Variants in MAP2 observed in about 807,000 individuals in gnomAD.
The protein encoded by MAP2 is microtubule-associated protein 2.
A neutral mutation model predicts 137.6 loss-of-function variants in MAP2; 14 were observed. That is an observed-to-expected ratio of 0.10 (90% CI 0.07 to 0.16). The LOEUF (loss-of-function observed/expected upper bound fraction) is 0.16. Among genes scored for constraint, MAP2 ranks in the 10% least tolerant of loss-of-function variants. MAP2 has a pLI of 1.00. For missense variants in MAP2, 2,088 were observed against 2,191.5 expected (o/e 0.95, Z 0.94); for synonymous variants, 786 against 782.3 (o/e 1.00, Z -0.08).
chr2:209,595,847 T>C (rs1046137305), intron 3 of MAP2, among the ~76,000 whole-genome samples: 1 of 152,008 alleles, frequency 6.6e-6, no homozygotes, highest in Non-Finnish European at 1.5e-5. Context: ...GAGCAAACTA[T>C]CACAAAGACA....
At chr2:209,660,895 C>T (rs1259572550) in intron 5 of MAP2, among the ~76,000 whole-genome samples, 17 of 148,880 alleles carry the variant, frequency 1.1e-4, no homozygotes, top group Non-Finnish European at 1.5e-4. Context: ...CCACCACGCC[C>T]GGCTAATTTT....
chr2:209,487,864 T>C (rs1040273435), intron 1 of MAP2, among the ~76,000 whole-genome samples: 8 of 152,102 alleles, frequency 5.3e-5, no homozygotes, highest in African/African-American at 1.7e-4. Flanking sequence ...ATACCTAACA[T>C]AGATAAAATA....
chr2:209,695,945 G>A lies in MAP2; in HGVS notation c.3775G>A (p.Asp1259Asn). The A allele has an allele frequency of 6.2e-7, 1 of 1,614,046 alleles. No individual in the cohort carries two copies. Among genetic ancestry groups the A allele is most frequent in the Non-Finnish European group, 8.5e-7 (1 of 1,179,944 alleles). Residue 1259 changes from aspartate (D) to asparagine (N), a missense_variant, in exon 8 of 16, where the codon GAC (aspartate) becomes AAC (asparagine). By Grantham distance (23) the Asp-to-Asn change is conservative. Coordinates refer to ENST00000682079, the MANE Select transcript of MAP2 (RefSeq NM_001375505.1). ...LFRSDTLQIT[D>N]LGVSGAREEF... is the part of the protein sequence containing the mutation. ...CCGCTCAGACACCCTTCAGATAACT[G>A]ACCTGGGTGTCTCAGGTGCCAGGGA... is the stretch of plus-strand genomic sequence containing the variant.
In MAP2 at chr2:209,570,389, T is replaced by C. The variant is rs149521235; in HGVS notation, c.-171-9647T>C. On this transcript the variant is annotated intron_variant, in intron 2 of 15. Transcript: ENST00000682079. ...CTACCACTTACCAGCTGTGTTCCCC[T>C]GGGCACTTTACTAAACCTAATTAGG... is the stretch of plus-strand genomic sequence containing the variant. Among the ~76,000 whole-genome samples, 111 of 152,012 alleles carry C rather than the reference T, an allele frequency of 7.3e-4. 2 individuals carry two copies. In the East Asian group the frequency reaches 0.016, roughly 22 times the overall value.
chr2:209,542,546 TA>T (rs1270807766), intron 2 of MAP2, among the ~76,000 whole-genome samples: 1 of 152,254 alleles, frequency 6.6e-6, no homozygotes, highest in African/African-American at 2.4e-5. Flanking sequence ...CTTCTTCCAA[TA>T]AAAAGGTTGT....
chr2:209,670,225 G>A (rs2048212973), intron 5 of MAP2, among the ~76,000 whole-genome samples: 1 of 151,852 alleles, frequency 6.6e-6, no homozygotes, highest in Non-Finnish European at 1.5e-5. Flanking sequence ...TAGTTAATTA[G>A]TAAATATGTA....
chr2:209,729,005 G>C (rs1376161851), intron 14 of MAP2, among the ~76,000 whole-genome samples: 1 of 152,176 alleles, frequency 6.6e-6, no homozygotes, highest in Non-Finnish European at 1.5e-5. Flanking sequence ...TCAAGGACAG[G>C]CTCAAGGACA....
At chr2:209,646,406 AAG>A (rs991257390) in intron 4 of MAP2, among the ~76,000 whole-genome samples, 3 of 152,256 alleles carry the variant, frequency 2.0e-5, no homozygotes, top group African/African-American at 7.2e-5. Flanking sequence ...AACACAGAAA[AAG>A]AGGAACTCAT....
chr2:209,536,446 A>T (rs1433200882), intron 2 of MAP2, among the ~76,000 whole-genome samples: 1 of 152,316 alleles, frequency 6.6e-6, no homozygotes, highest in South Asian at 2.1e-4. Flanking sequence ...AAAGAAAAAA[A>T]GTTTTCTTGA....
intron 4 of MAP2, among the ~76,000 whole-genome samples, chr2:209,630,899 T>A (rs2092935534): frequency 6.7e-6 from 1 of 149,966 alleles, no homozygotes; most frequent in East Asian, 2.0e-4. Context: ...TATTGGTTGG[T>A]GCTCAGAAAC....
intron 1 of MAP2, among the ~76,000 whole-genome samples, chr2:209,470,487 T>C (rs1440764932): frequency 6.7e-6 from 1 of 149,778 alleles, no homozygotes; most frequent in Non-Finnish European, 1.5e-5. Flanking sequence ...ATTATATATA[T>C]AATTGTATAT....
intron 1 of MAP2, among the ~76,000 whole-genome samples, chr2:209,465,416 TATAAC>T (rs1703876103): frequency 1.4e-5 from 2 of 138,124 alleles, no homozygotes; most frequent in African/African-American, 2.5e-5. Context: ...AATAATTGCA[TATAAC>T]ATAACTTTTC....
intron 2 of MAP2, among the ~76,000 whole-genome samples, chr2:209,537,414 T>A (rs2150679877): frequency 6.6e-6 from 1 of 152,272 alleles, no homozygotes; most frequent in East Asian, 1.9e-4. Context: ...AAGAAAAAAA[T>A]TAAAAATTCA....
intron 3 of MAP2, among the ~76,000 whole-genome samples, chr2:209,616,419 A>G (rs2089422064): frequency 6.6e-6 from 1 of 152,230 alleles, no homozygotes; most frequent in African/African-American, 2.4e-5. Context: ...AAATTTGATT[A>G]ATTCCTAGTC....
At chr2:209,562,704 AC>A (rs1559323580) in intron 2 of MAP2, among the ~76,000 whole-genome samples, 1 of 152,034 alleles carries the variant, frequency 6.6e-6, no homozygotes, top group African/African-American at 2.4e-5. Flanking sequence ...CAAAAAAAAA[AC>A]AAAAAGCGAA....
intron 2 of MAP2, among the ~76,000 whole-genome samples, chr2:209,520,484 C>A (rs1291984005): frequency 6.6e-6 from 1 of 151,960 alleles, no homozygotes; most frequent in Non-Finnish European, 1.5e-5. Flanking sequence ...AAGCAGCAGC[C>A]TTTACCTACA....
intron 2 of MAP2, among the ~76,000 whole-genome samples, chr2:209,536,531 C>A (rs371844665): frequency 6.6e-6 from 1 of 152,186 alleles, no homozygotes; most frequent in East Asian, 1.9e-4. Flanking sequence ...ACACACCACG[C>A]AACTCTTTGT....
At chr2:209,432,753 T>C (rs1694658674) in intron 1 of MAP2, among the ~76,000 whole-genome samples, 1 of 152,176 alleles carries the variant, frequency 6.6e-6, no homozygotes, top group African/African-American at 2.4e-5. Flanking sequence ...AAAAATGGGT[T>C]GTGCATATTG....
chr2:209,545,485 A>T (rs781699145), intron 2 of MAP2, among the ~76,000 whole-genome samples: 2 of 152,190 alleles, frequency 1.3e-5, no homozygotes, highest in Admixed American at 6.5e-5. Context: ...TAGCAACAAT[A>T]TTGTGGTAAC....
Sources: gnomAD v4.1 joint callset for allele counts (sites outside exome capture counted in the v4.1 genomes callset) on GRCh38, gnomAD v4.1.1 for gene constraint, MANE v1.5 for transcripts, NCBI Gene and HGNC (gene_info 2026-07-23, HGNC 2026-07-21) for gene names.